Variants in SPEG observed in about 807,000 individuals in gnomAD.
SPEG encodes the protein striated muscle preferentially expressed protein kinase.
Under a neutral mutation model 300.4 loss-of-function variants are expected in SPEG, and 114 were observed. That is an observed-to-expected ratio of 0.38 (90% CI 0.33 to 0.44). The LOEUF (loss-of-function observed/expected upper bound fraction) is 0.44, where lower values mean the gene tolerates loss of function less well. Ranked by LOEUF, SPEG falls within the 20% of genes least tolerant of loss-of-function variation. SPEG has a pLI of 1.00. For synonymous variants in SPEG, 1,964 were observed against 2,018.9 expected, an observed-to-expected ratio of 0.97 and a Z score of 0.73; for missense variants, 4,201 against 4,586.2, an observed-to-expected ratio of 0.92 and a Z score of 2.43.
chr2:219,455,255 G>C (rs1690086607), intron 6 of SPEG, among the ~76,000 whole-genome samples: 1 of 152,180 alleles, frequency 6.6e-6, no homozygotes, highest in African/African-American at 2.4e-5. Context: ...AGGAAACTGA[G>C]ACTTGGAAAA....
At chr2:219,478,869 A>G (rs1460769586) in intron 22 of SPEG, among the ~76,000 whole-genome samples, 1 of 152,200 alleles carries the variant, frequency 6.6e-6, no homozygotes, top group African/African-American at 2.4e-5. Flanking sequence ...TTATTCCCAT[A>G]TTACTCCTGG....
rs1417121630 is a variant in SPEG at position 219,443,587 on chromosome 2, GA to G, written c.389-1065del. Reference sequence around the variant, plus strand: ...TTGAGGACGATTCAACAGTAGAAGGGAGGGACCTTGAGGAAGGTGCCTGTCA... The same window carrying G: ...TTGAGGACGATTCAACAGTAGAAGGGGGGACCTTGAGGAAGGTGCCTGTCA... On this transcript the variant is annotated intron_variant, in intron 1 of 40. Coordinates refer to ENST00000312358, the MANE Select transcript of SPEG (RefSeq NM_005876.5). The surrounding 1 kb of genome is among the most constrained non-coding windows in gnomAD (Gnocchi z 4.6). 3 of 281,868 alleles carry G rather than the reference GA, an allele frequency of 1.1e-5. No individual in the cohort carries two copies. The Admixed American group carries it at 1.4e-4, about 13-fold the overall frequency. The allele number at this position is 281,868 out of a possible 1,614,324, so 17.5% of individuals were successfully genotyped here. A position where few individuals can be genotyped will look rare whatever the true frequency, so the allele number is the denominator to read the frequency against.
At chr2:219,482,674 C>A in intron 28 of SPEG, 110 bp from the exon 29 acceptor site, 2 of 907,552 alleles carry the variant, frequency 2.2e-6, no homozygotes, top group South Asian at 1.5e-5. Context: ...CAGTGCTGCT[C>A]GATCCACTCT....
At position 219,468,921 on chromosome 2, in the gene SPEG, C is replaced by A. The variant is rs1234607725; in HGVS notation, c.3364C>A (p.His1122Asn). ...GCAGGACGGGGGTCTGCACTCACTG[C>A]ACATTGCCCATGTGGGCAGCGAGGA... ...LRQDGGLHSLHIAHVGSEDEG... is the reference protein window; with the variant it reads ...LRQDGGLHSLNIAHVGSEDEG... Residue 1122 changes from histidine (H) to asparagine (N), a missense_variant, in exon 12 of 41, where the codon CAC (histidine) becomes AAC (asparagine). Physicochemically the swap from His to Asn is moderately conservative, Grantham distance 68. Coordinates refer to ENST00000312358, the MANE Select transcript of SPEG (RefSeq NM_005876.5). 6.2e-7 allele frequency: 1 copy of A among 1,613,934 alleles called. No individual in the cohort carries two copies. The highest frequency in any genetic ancestry group is 1.7e-5 in the Admixed American group (1 of 60,024).
At position 219,458,951 on chromosome 2, in the gene SPEG, T is replaced by G. The variant is rs1690413675; in HGVS notation, c.2441-2931T>G. Among the ~76,000 whole-genome samples, 1 of 152,250 alleles carries G rather than the reference T, an allele frequency of 6.6e-6. No individual in the cohort carries two copies. Among genetic ancestry groups the G allele is most frequent in the South Asian group, 2.1e-4 (1 of 4,836 alleles). ...AGGGCTGTGTGCGACACCTTTTATG[T>G]ACTAGATAATTCGCAGTGGTGGCTG... On this transcript the variant is annotated intron_variant, in intron 6 of 40. Transcript: ENST00000312358. The surrounding 1 kb of genome is among the most constrained non-coding windows in gnomAD (Gnocchi z 4.2).
Position 219,465,928 on chromosome 2 carries a change from CGTGTGCGTGCACGTGTGCGTGCAT to C in SPEG, c.2882-1236_2882-1213del, listed in dbSNP as rs1176334670. The C allele has an allele frequency of 5.9e-3, 1,350 of 227,540 alleles. 16 individuals carry two copies. Among genetic ancestry groups the C allele is most frequent in the African/African-American group, 0.03 (819 of 27,582 alleles). The allele number at this position is 227,540 out of a possible 1,614,324, so 14.1% of individuals were successfully genotyped here. On this transcript the variant is annotated intron_variant, in intron 9 of 40. Transcript: ENST00000312358. ...GTGTGCATGCGTGTGTGTGTGCGCG[CGTGTGCGTGCACGTGTGCGTGCAT>C]GTGTGCGTGTGCATGCGTGTGTGTG...
At chr2:219,490,038 G>T (rs577762653) in intron 36 of SPEG, 99 bp downstream of exon 36, 161 of 1,378,834 alleles carry the variant, frequency 1.2e-4, no homozygotes, top group Admixed American at 9.3e-4. Flanking sequence ...TGGCTGGGGT[G>T]GGGGGAGGTG....
chr2:219,492,793 G>A lies in SPEG; in HGVS notation c.*7G>A, dbSNP rs376423304. ...CTACCCTGGCGGCCCCTAGAGGCAC[G>A]GACCACAGCCAGGCCTCGGGCTTCA... On this transcript the variant is annotated 3_prime_UTR_variant, in exon 41 of 41. Transcript: ENST00000312358. 4.3e-5 allele frequency: 68 copies of A among 1,577,498 alleles called. No individual in the cohort carries two copies. The highest frequency in any genetic ancestry group is 1.8e-4 in the Middle Eastern group (1 of 5,450).
intron 29 of SPEG, 52 bp from the exon 30 acceptor site, chr2:219,483,046 A>G: frequency 6.5e-7 from 1 of 1,546,792 alleles, no homozygotes. Flanking sequence ...CCTGGGGGGG[A>G]CAATCCTGCC....
chr2:219,474,575 C>T (rs915553586), intron 18 of SPEG, among the ~76,000 whole-genome samples: 2 of 152,136 alleles, frequency 1.3e-5, no homozygotes, highest in Non-Finnish European at 2.9e-5. Context: ...CTAATAAGTA[C>T]AGGAGCTGGG....
chr2:219,448,811 C>T lies in SPEG; in HGVS notation c.1653C>T (p.Ala551=), dbSNP rs1689516424. The T allele has an allele frequency of 2.9e-6, 4 of 1,402,546 alleles. No individual in the cohort carries two copies. The highest frequency in any genetic ancestry group is 3.2e-5 in the Admixed American group (1 of 30,898). The allele number at this position is 1,402,546 out of a possible 1,614,324, so 86.9% of individuals were successfully genotyped here. A position where few individuals can be genotyped will look rare whatever the true frequency, so the allele number is the denominator to read the frequency against. The part of the protein sequence containing the change: ...TPKTSRAVSP[A]AAQPPSPSSA... ...AGACATCGCGGGCCGTGAGCCCCGC[C>T]GCCGCCCAGCCGCCCTCTCCGAGCA... The change falls in exon 4 of 41, where the codon GCC becomes GCT. Residue 551 remains alanine (A), a synonymous_variant. Transcript: ENST00000312358.
chr2:219,448,642 C>T lies in SPEG; in HGVS notation c.1484C>T (p.Ala495Val). The T allele has an allele frequency of 6.7e-7, 1 of 1,488,508 alleles. No individual in the cohort carries two copies. The highest frequency in any genetic ancestry group is 8.9e-7 in the Non-Finnish European group (1 of 1,127,316). 92.2% of individuals were successfully genotyped at this position (1,488,508 alleles called of 1,614,324 possible). The change falls in exon 4 of 41, where the codon GCC becomes GTC. Residue 495 changes from alanine to valine, a missense_variant. Transcript: ENST00000312358. ...GCCTCAGACCTCGAGCTGCGCTTCG[C>T]CCAGGAGCTGGGCCGCATCCGCCGC... Reference protein sequence around the residue: ...SPASDLELRFAQELGRIRRST... With the variant: ...SPASDLELRFVQELGRIRRST...
intron 6 of SPEG, among the ~76,000 whole-genome samples, chr2:219,454,268 C>T (rs1429267060): frequency 6.6e-6 from 1 of 152,172 alleles, no homozygotes; most frequent in South Asian, 2.1e-4. Flanking sequence ...AGGGTCTGTG[C>T]GGAAAGGAGC....
In SPEG at chr2:219,483,537, C is replaced by T. The variant is rs999583066; in HGVS notation, c.6074C>T (p.Pro2025Leu). The T allele has an allele frequency of 4.0e-5, 56 of 1,403,762 alleles. No homozygotes were observed. The highest frequency in any genetic ancestry group is 1.4e-4 in the Admixed American group (4 of 28,276). 87.0% of individuals were successfully genotyped at this position (1,403,762 alleles called of 1,614,324 possible). The change falls in exon 30 of 41, where the codon CCG (proline) becomes CTG (leucine). Residue 2025 changes from proline (P) to leucine (L), a missense_variant. Pro to Leu is a moderately conservative substitution (Grantham distance 98). Coordinates refer to ENST00000312358, the MANE Select transcript of SPEG (RefSeq NM_005876.5). ...SAESALPRAG[P>L]RELGRGLHKA... is the part of the protein sequence containing the mutation. ...GAGAGCGCCCTGCCCCGGGCCGGGC[C>T]GCGGGAGCTGGGCCGGGGCCTGCAC...
chr2:219,472,089 A>G (rs1231363306), intron 14 of SPEG, 102 bp downstream of exon 14: 10 of 1,529,068 alleles, frequency 6.5e-6, no homozygotes, highest in African/African-American at 4.1e-5. Context: ...CTTCCCCTCC[A>G]TCCCCTGGGG....
chr2:219,466,297 C>CCA, intron 9 of SPEG: 1 of 1,420,488 alleles, frequency 7.0e-7, no homozygotes. Flanking sequence ...GCCAGGAGGC[C>CCA]CACAGATGGA....
intron 15 of SPEG, 47 bp from the exon 16 acceptor site, chr2:219,472,843 G>C: frequency 6.6e-7 from 1 of 1,505,944 alleles, no homozygotes; most frequent in East Asian, 2.3e-5. Flanking sequence ...ATGGGGAGGG[G>C]TTACTGCTCC....
rs56175079 is a variant in SPEG at position 219,492,144 on chromosome 2, C to T, written c.9495C>T (p.Asp3165=). 47 of 1,613,522 alleles carry T rather than the reference C, an allele frequency of 2.9e-5. No homozygotes were observed. The highest frequency in any genetic ancestry group is 3.8e-5 in the Non-Finnish European group (45 of 1,179,798). The change falls in exon 40 of 41, where the codon GAC becomes GAT. Residue 3165 remains aspartate, a synonymous_variant. Coordinates refer to ENST00000312358, the MANE Select transcript of SPEG (RefSeq NM_005876.5). ...GACGCTCCCCGTTCTATGAGCCAGACCCCCAGGAAACGGAGGCTCGGATTG... is the reference window on the plus strand; with the variant it reads ...GACGCTCCCCGTTCTATGAGCCAGATCCCCAGGAAACGGAGGCTCGGATTG... ...LSGRSPFYEP[D]PQETEARIVG... is the part of the protein sequence containing the mutation.
chr2:219,473,871 C>T lies in SPEG; in HGVS notation c.4415C>T (p.Thr1472Ile), dbSNP rs371049113. 2.5e-6 allele frequency: 4 copies of T among 1,613,100 alleles called. No individual in the cohort carries two copies. The highest frequency in any genetic ancestry group is 2.5e-6 in the Non-Finnish European group (3 of 1,179,896). ...LTCTARNRHG[T>I]QTCSVTLELA... ...TGCACCGCCCGAAACCGTCACGGCACACAGACCTGCTCGGTCACATTGGAG... is the reference window on the plus strand; with the variant it reads ...TGCACCGCCCGAAACCGTCACGGCATACAGACCTGCTCGGTCACATTGGAG... Residue 1472 changes from threonine to isoleucine, a missense_variant, in exon 18 of 41, where the codon ACA becomes ATA. Coordinates refer to ENST00000312358, the MANE Select transcript of SPEG (RefSeq NM_005876.5). This position sits in a 1 kb window ranked among gnomAD's most constrained non-coding sequence, Gnocchi z 4.6.
Sources: allele counts gnomAD v4.1 joint callset (sites outside exome capture counted in the v4.1 genomes callset), GRCh38; gene constraint gnomAD v4.1.1; non-coding constraint Gnocchi (gnomAD v3.1); transcripts MANE v1.5; gene names NCBI Gene and HGNC (gene_info 2026-07-23, HGNC 2026-07-21).